POR: variants seen among roughly 807,000 people sequenced by gnomAD.
POR encodes cytochrome p450 oxidoreductase, also known as NADPH--cytochrome P450 reductase.
A neutral mutation model predicts 84.0 loss-of-function variants in POR; 56 were observed. The ratio of observed to expected loss-of-function variants is 0.67; its 90% CI spans 0.54 to 0.83. The LOEUF is 0.83. Among genes scored for constraint, POR ranks in the 40% least tolerant of loss-of-function variants. The pLI is 0.00. For missense variants in POR, 938 were observed against 944.3 expected, an observed-to-expected ratio of 0.99 and a Z score of 0.09; for synonymous variants, 414 against 400.5, an observed-to-expected ratio of 1.03 and a Z score of -0.40.
At chr7:75,937,029 G>A (rs1214370466) in intron 1 of POR, among the ~76,000 whole-genome samples, 62 of 151,184 alleles carry the variant, frequency 4.1e-4, no homozygotes, top group African/African-American at 1.4e-3. Flanking sequence ...GGGTTTCACC[G>A]TGCTAGCCAG....
Position 75,934,122 on chromosome 7 carries a change from AGTGTGTGTGTGTGTGTGTGT to A in POR, c.-5+18974_-5+18993del, listed in dbSNP as rs58236447. Among the ~76,000 whole-genome samples the A allele has an allele frequency of 2.6e-3, 332 of 126,854 alleles. 1 individual carries two copies. The highest frequency in any genetic ancestry group is 8.0e-3 in the Middle Eastern group (2 of 250). The allele number at this position is 126,854 out of a possible 152,430, so 83.2% of individuals were successfully genotyped here. A position where few individuals can be genotyped will look rare whatever the true frequency, so the allele number is the denominator to read the frequency against. ...TTTTTTTCCTGGTCCAAGACCTCAG[AGTGTGTGTGTGTGTGTGTGT>A]GTGTGTGTGTGTGTGTGTGTGTGTG... On this transcript the variant is annotated intron_variant, in intron 1 of 15. Coordinates refer to ENST00000461988, the MANE Select transcript of POR (RefSeq NM_000941.3).
rs186592155 is a variant in POR at position 75,923,876 on chromosome 7, G to A, written c.-5+8697G>A. 4.1e-3 allele frequency among the ~76,000 whole-genome samples: 579 copies of A among 142,636 alleles called. 4 individuals carry two copies. The highest frequency in any genetic ancestry group is 0.012 in the African/African-American group (467 of 37,968). 93.6% of individuals were successfully genotyped at this position (142,636 alleles called of 152,430 possible). A position where few individuals can be genotyped will look rare whatever the true frequency, so the allele number is the denominator to read the frequency against. On this transcript the variant is annotated intron_variant, in intron 1 of 15. Transcript: ENST00000461988. ...GTCCTCCAGCCTGGGCAACAAGAGC[G>A]AAACTCCATCTCAAAAAAAAAAAAA...
rs1184002010 is a variant in POR, at chr7:75,984,977, C to T, written c.1248+19C>T. On this transcript the variant is annotated intron_variant, in intron 11 of 15. Transcript: ENST00000461988. ...GGGCAAGGTGCGCCCCCTCAGCCCC[C>T]GCAACCTCCGCCCCGTCACCCCGCC... 1.9e-6 allele frequency: 3 copies of T among 1,575,476 alleles called. No homozygotes were observed. The highest frequency in any genetic ancestry group is 1.7e-6 in the Non-Finnish European group (2 of 1,159,882).
intron 2 of POR, among the ~76,000 whole-genome samples, chr7:75,967,130 A>T (rs1267396367): frequency 6.6e-6 from 1 of 152,040 alleles, no homozygotes; most frequent in Non-Finnish European, 1.5e-5. Context: ...GCACACCTCT[A>T]CACCCGGCTA....
chr7:75,953,612 T>TG (rs1787549302), intron 1 of POR, among the ~76,000 whole-genome samples: 1 of 152,128 alleles, frequency 6.6e-6, no homozygotes, highest in Non-Finnish European at 1.5e-5. Context: ...GGTCCACTCT[T>TG]GCGTGCACTT....
rs58236447 is a variant in POR, at chr7:75,934,122, A to AGTGTGTGTGTGTGT, written c.-5+18980_-5+18993dup. ...TTTTTTTCCTGGTCCAAGACCTCAGAGTGTGTGTGTGTGTGTGTGTGTGTG... is the reference window on the plus strand; with the variant it reads ...TTTTTTTCCTGGTCCAAGACCTCAGAGTGTGTGTGTGTGTGTGTGTGTGTGTGTGTGTGTGTGTG... On this transcript the variant is annotated intron_variant, in intron 1 of 15. Transcript: ENST00000461988. Among the ~76,000 whole-genome samples, 19 of 126,856 alleles carry AGTGTGTGTGTGTGT rather than the reference A, an allele frequency of 1.5e-4. No individual in the cohort carries two copies. In the South Asian group the frequency reaches 2.9e-3, roughly 20 times the overall value. 83.2% of individuals were successfully genotyped at this position (126,856 alleles called of 152,430 possible). A position where few individuals can be genotyped will look rare whatever the true frequency, so the allele number is the denominator to read the frequency against.
chr7:75,976,232 A>G (rs1250331713), intron 3 of POR, among the ~76,000 whole-genome samples: 10 of 152,064 alleles, frequency 6.6e-5, no homozygotes, highest in African/African-American at 2.4e-4. Flanking sequence ...AAGTATTTTT[A>G]CGGTGATTAT....
chr7:75,964,565 T>C (rs7802989), intron 2 of POR, among the ~76,000 whole-genome samples: 60,677 of 151,900 alleles, frequency 0.4, 13,016 homozygotes, highest in African/African-American at 0.56. Context: ...GCCTCAGCCT[T>C]CCAAAGTGTT....
intron 1 of POR, among the ~76,000 whole-genome samples, chr7:75,943,140 A>G (rs1787018417): frequency 6.6e-6 from 1 of 151,838 alleles, no homozygotes; most frequent in African/African-American, 2.4e-5. Flanking sequence ...TTTAGTAGAG[A>G]TGGGGTTTCA....
At chr7:75,983,147 C>T (rs2116609914) in intron 8 of POR, among the ~76,000 whole-genome samples, 1 of 152,292 alleles carries the variant, frequency 6.6e-6, no homozygotes, top group South Asian at 2.1e-4. Context: ...TCAAGACCAG[C>T]CTGGCCAACA....
At chr7:75,949,845 G>A (rs1787337632) in intron 1 of POR, among the ~76,000 whole-genome samples, 1 of 150,782 alleles carries the variant, frequency 6.6e-6, no homozygotes. Flanking sequence ...ATCAGGGAGG[G>A]GACATGACCT....
At chr7:75,954,452 G>A (rs946288241) in intron 2 of POR, among the ~76,000 whole-genome samples, 3 of 152,164 alleles carry the variant, frequency 2.0e-5, no homozygotes, top group Non-Finnish European at 2.9e-5. Context: ...AAGAACCGGG[G>A]GCTCAAGAAT....
rs1788953428 is a variant in POR at position 75,980,506 on chromosome 7, T to C, written c.516+18T>C. On this transcript the variant is annotated intron_variant, in intron 5 of 15. Transcript: ENST00000461988. ...AGTTCGCGGTGAGTCACCCAGAGAC[T>C]GCTATGGGCTCCCGGTGGCCTGCGG... 6.2e-7 allele frequency: 1 copy of C among 1,612,738 alleles called. No homozygotes were observed. The highest frequency in any genetic ancestry group is 1.3e-5 in the African/African-American group (1 of 74,988).
At chr7:75,953,314 AGGGAGG>A (rs797042880) in intron 1 of POR, among the ~76,000 whole-genome samples, 1,899 of 35,586 alleles carry the variant, frequency 0.053, 70 homozygotes, top group Middle Eastern at 0.17. Flanking sequence ...CCGTGGAAAG[AGGGAGG>A]GGGAGGGGGA....
chr7:75,931,035 C>T (rs1554550093), intron 1 of POR, among the ~76,000 whole-genome samples: 1 of 152,060 alleles, frequency 6.6e-6, no homozygotes, highest in Non-Finnish European at 1.5e-5. Context: ...GTTACCCAGG[C>T]TGGTCTCAAA....
intron 1 of POR, among the ~76,000 whole-genome samples, chr7:75,930,396 C>T (rs1554550012): frequency 6.6e-6 from 1 of 152,110 alleles, no homozygotes; most frequent in Non-Finnish European, 1.5e-5. Context: ...GTGGGAGGAT[C>T]ACTTGATCCT....
At chr7:75,969,008 C>G (rs143914144) in intron 2 of POR, among the ~76,000 whole-genome samples, 25 of 152,378 alleles carry the variant, frequency 1.6e-4, no homozygotes, top group Non-Finnish European at 3.2e-4. Flanking sequence ...CCTGAGAAGA[C>G]AGCCCAGCTC....
intron 1 of POR, among the ~76,000 whole-genome samples, chr7:75,951,498 G>T (rs1195423343): frequency 6.6e-6 from 1 of 152,326 alleles, no homozygotes; most frequent in Admixed American, 6.5e-5. Context: ...AAGCTTGCGG[G>T]CCTGTTCTGA....
At position 75,958,013 on chromosome 7, in the gene POR, G is replaced by C. The variant is rs41296476; in HGVS notation, c.188+3833G>C. Among the ~76,000 whole-genome samples the C allele has an allele frequency of 2.2e-3, 333 of 152,334 alleles. 3 individuals carry two copies. In the Middle Eastern group the frequency reaches 0.024, roughly 11 times the overall value. ...CCCCAACTGTAAGCTGGAGGTAGTA[G>C]TAGTACTTACCTCATAAGGCTGTGA... On this transcript the variant is annotated intron_variant, in intron 2 of 15. Transcript: ENST00000461988.
Sources: gnomAD v4.1 joint callset for allele counts (sites outside exome capture counted in the v4.1 genomes callset) on GRCh38, gnomAD v4.1.1 for gene constraint, MANE v1.5 for transcripts, NCBI Gene and HGNC (gene_info 2026-07-23, HGNC 2026-07-21) for gene names.